The following GDI2 variants were observed in gnomAD, a reference collection of about 807,000 sequenced individuals.
GDI2 encodes the protein rab GDP dissociation inhibitor beta.
In GDI2, 22 loss-of-function variants were observed where a neutral mutation model predicts 54.2. The observed-to-expected ratio is 0.41, with a 90% CI of 0.29 to 0.58. GDI2 has a LOEUF of 0.58. Ranked by LOEUF, GDI2 falls within the 20% of genes least tolerant of loss-of-function variation. GDI2 has a pLI of 0.35. For missense variants in GDI2, 422 were observed against 546.0 expected (o/e 0.77, Z 2.26); for synonymous variants, 177 against 182.1 (o/e 0.97, Z 0.23).
rs1588969935 is a variant in GDI2 at position 5,776,531 on chromosome 10, G to A, written c.720-2590C>T. 4 of 1,521,158 alleles carry A rather than the reference G, an allele frequency of 2.6e-6. No individual in the cohort carries two copies. The East Asian group carries it at 9.1e-5, about 34-fold the overall frequency. The allele number at this position is 1,521,158 out of a possible 1,614,324, so 94.2% of individuals were successfully genotyped here. A position where few individuals can be genotyped will look rare whatever the true frequency, so the allele number is the denominator to read the frequency against. ...AAGATAAAACAATTATAGAGAAGCA[G>A]ATTTGAAGAGGCATGTGGAATTCCT... On this transcript the variant is annotated intron_variant, in intron 6 of 10. Transcript: ENST00000380191. This position sits in a 1 kb window ranked among gnomAD's most constrained non-coding sequence, Gnocchi z 5.3.
At chr10:5,799,323 C>T (rs1011840034) in intron 2 of GDI2, among the ~76,000 whole-genome samples, 3 of 152,158 alleles carry the variant, frequency 2.0e-5, no homozygotes, top group African/African-American at 7.2e-5. Flanking sequence ...GGCAACAGGG[C>T]AAGGCCCTGT....
chr10:5,766,158 A>C lies in GDI2; in HGVS notation c.1192-6T>G. On this transcript the variant is annotated splice_region_variant and splice_polypyrimidine_tract_variant and intron_variant, in intron 10 of 10. Transcript: ENST00000380191. This position sits in a 1 kb window ranked among gnomAD's most constrained non-coding sequence, Gnocchi z 5.8. ...TATGTGCGGGAAATAAAGATCTGAA[A>C]ACAAAAATTACGAAGACTTAAGACC... The C allele has an allele frequency of 6.2e-7, 1 of 1,613,876 alleles. No individual in the cohort carries two copies. The highest frequency in any genetic ancestry group is 8.5e-7 in the Non-Finnish European group (1 of 1,179,760).
intron 3 of GDI2, among the ~76,000 whole-genome samples, chr10:5,796,472 A>T (rs891615934): frequency 3.3e-5 from 5 of 152,258 alleles, no homozygotes; most frequent in African/African-American, 1.2e-4. Context: ...GTTATTTAAG[A>T]CTGTCATAAG....
At chr10:5,797,438 G>A (rs886765633) in intron 2 of GDI2, among the ~76,000 whole-genome samples, 2 of 151,776 alleles carry the variant, frequency 1.3e-5, no homozygotes, top group Admixed American at 6.6e-5. Flanking sequence ...CCAGCTACTC[G>A]GGAGGCTGAG....
intron 4 of GDI2, among the ~76,000 whole-genome samples, chr10:5,789,369 G>C (rs1440872335): frequency 6.6e-6 from 1 of 152,050 alleles, no homozygotes; most frequent in Non-Finnish European, 1.5e-5. Context: ...CAAAGTGCTA[G>C]GATTACAGCC....
intron 1 of GDI2, 75 bp downstream of exon 1, chr10:5,813,139 C>T (rs1160476543): frequency 5.6e-6 from 5 of 892,852 alleles, no homozygotes; most frequent in African/African-American, 3.5e-5. Flanking sequence ...GGAGCTGCGA[C>T]CCGCGGGCCG....
At chr10:5,805,564 A>T (rs1841359540) in intron 1 of GDI2, among the ~76,000 whole-genome samples, 1 of 152,014 alleles carries the variant, frequency 6.6e-6, no homozygotes, top group African/African-American at 2.4e-5. Context: ...AATTTTTTGT[A>T]GCAACAGGAT....
chr10:5,799,245 GA>G (rs2131713056), intron 2 of GDI2, among the ~76,000 whole-genome samples: 2 of 152,304 alleles, frequency 1.3e-5, no homozygotes, highest in African/African-American at 4.8e-5. Flanking sequence ...GCTGATACAG[GA>G]GGATCGTTTG....
chr10:5,811,812 G>A (rs1588993478), intron 1 of GDI2: 1 of 424,766 alleles, frequency 2.4e-6, no homozygotes, highest in Non-Finnish European at 4.4e-6. Flanking sequence ...TCTAATAATT[G>A]CATATAACTA....
At chr10:5,782,828 G>A (rs771040784) in intron 6 of GDI2, among the ~76,000 whole-genome samples, 1 of 152,184 alleles carries the variant, frequency 6.6e-6, no homozygotes, top group Non-Finnish European at 1.5e-5. Flanking sequence ...AGCTCCTTGG[G>A]AGGCTGAGGC....
chr10:5,781,090 TG>T (rs1840743927), intron 6 of GDI2, among the ~76,000 whole-genome samples: 1 of 151,910 alleles, frequency 6.6e-6, no homozygotes, highest in African/African-American at 2.4e-5. Flanking sequence ...TGTAGCCAAC[TG>T]ATCTCCCACA....
chr10:5,812,853 C>A (rs1431207416), intron 1 of GDI2, among the ~76,000 whole-genome samples: 3 of 152,222 alleles, frequency 2.0e-5, no homozygotes, highest in African/African-American at 2.4e-5. Flanking sequence ...TGGTTTCCAA[C>A]CGGGCGAGGT....
At chr10:5,807,040 A>G (rs1841393658) in intron 1 of GDI2, among the ~76,000 whole-genome samples, 1 of 152,220 alleles carries the variant, frequency 6.6e-6, no homozygotes, top group South Asian at 2.1e-4. Flanking sequence ...CACCACTTGG[A>G]GCAAATATGA....
chr10:5,808,701 A>G (rs55873293), intron 1 of GDI2, among the ~76,000 whole-genome samples: 18,193 of 111,428 alleles, frequency 0.16, 574 homozygotes, highest in Non-Finnish European at 0.22. Flanking sequence ...TGTTATTAAA[A>G]AAAAAAAAAA....
chr10:5,784,375 G>A (rs1390844540), intron 6 of GDI2, among the ~76,000 whole-genome samples: 5 of 151,802 alleles, frequency 3.3e-5, no homozygotes, highest in African/African-American at 4.8e-5. Flanking sequence ...CCTTTCTCTC[G>A]TGCCTCCTTG....
At chr10:5,800,341 C>T (rs1010821248) in intron 2 of GDI2, among the ~76,000 whole-genome samples, 4 of 152,188 alleles carry the variant, frequency 2.6e-5, no homozygotes, top group South Asian at 2.1e-4. Flanking sequence ...TGGACTTGCG[C>T]TGGCACATCA....
At chr10:5,793,759 C>CA (rs1331682816) in intron 4 of GDI2, among the ~76,000 whole-genome samples, 10 of 152,100 alleles carry the variant, frequency 6.6e-5, no homozygotes, top group Admixed American at 6.6e-4. Flanking sequence ...TCTTGAAGAA[C>CA]AAAAAGGTCT....
intron 7 of GDI2, among the ~76,000 whole-genome samples, chr10:5,772,776 ATAAATAAC>A (rs2131683911): frequency 6.6e-6 from 1 of 152,266 alleles, no homozygotes; most frequent in East Asian, 1.9e-4. Flanking sequence ...AAATAAATAA[ATAAATAAC>A]ATTTTAGTAG....
chr10:5,793,937 G>A (rs1326962772), intron 4 of GDI2, among the ~76,000 whole-genome samples: 1 of 151,872 alleles, frequency 6.6e-6, no homozygotes, highest in Non-Finnish European at 1.5e-5. Context: ...GCCAAGGCAG[G>A]TGAAACACCT....
Sources: allele counts gnomAD v4.1 joint callset (sites outside exome capture counted in the v4.1 genomes callset), GRCh38; gene constraint gnomAD v4.1.1; non-coding constraint Gnocchi (gnomAD v3.1); transcripts MANE v1.5; gene names NCBI Gene and HGNC (gene_info 2026-07-23, HGNC 2026-07-21).